The following DYNC2I2 variants were observed in gnomAD, a reference collection of about 807,000 sequenced individuals.
DYNC2I2 encodes the protein dynein 2 intermediate chain 2, also known as cytoplasmic dynein 2 intermediate chain 2.
In DYNC2I2, 39 loss-of-function variants were observed where a neutral mutation model predicts 52.0. The observed-to-expected ratio is 0.75, with a 90% CI of 0.58 to 0.98. DYNC2I2 has a LOEUF of 0.98. Among genes scored for constraint, DYNC2I2 ranks in the 50% least tolerant of loss-of-function variants. The pLI is 0.00. For missense variants in DYNC2I2, 743 were observed against 728.4 expected (o/e 1.02, Z -0.23); for synonymous variants, 359 against 321.1 (o/e 1.12, Z -1.26).
the DYNC2I2 span, among the ~76,000 whole-genome samples, chr9:128,674,336 G>T: frequency 8.8e-3 from 1,345 of 152,010 alleles, 6 homozygotes; most frequent in Non-Finnish European, 0.015. Flanking sequence ...GGGTTTCACC[G>T]TGTTAGCCAG....
At chr9:128,640,656 G>A (rs774671542) in intron 2 of DYNC2I2, 35 bp downstream of exon 2, 18 of 1,596,344 alleles carry the variant, frequency 1.1e-5, no homozygotes, top group Non-Finnish European at 1.5e-5. Flanking sequence ...GTGGGGCAGG[G>A]GCTCGACCCG....
intron 2 of DYNC2I2, 90 bp downstream of exon 2, chr9:128,640,601 T>G: frequency 6.5e-7 from 1 of 1,535,434 alleles, no homozygotes; most frequent in Non-Finnish European, 8.8e-7. Context: ...TGATGATGAC[T>G]GGCACGGCTG....
intron 1 of DYNC2I2, among the ~76,000 whole-genome samples, chr9:128,653,642 G>A (rs1297747456): frequency 6.6e-6 from 1 of 151,162 alleles, no homozygotes; most frequent in Non-Finnish European, 1.5e-5. Context: ...CTTGAAGCCG[G>A]GAGGCGGAAG....
At chr9:128,645,322 T>C (rs1379262642) in intron 1 of DYNC2I2, among the ~76,000 whole-genome samples, 1 of 151,510 alleles carries the variant, frequency 6.6e-6, no homozygotes, top group Non-Finnish European at 1.5e-5. Flanking sequence ...ACAGCAAAAC[T>C]CCATCTCTAC....
intron 1 of DYNC2I2, among the ~76,000 whole-genome samples, chr9:128,643,922 G>A (rs1260092481): frequency 6.6e-6 from 1 of 152,186 alleles, no homozygotes; most frequent in African/African-American, 2.4e-5. Flanking sequence ...TTTCTGACCA[G>A]ACATGTGACT....
chr9:128,646,522 G>A (rs1353136737), intron 1 of DYNC2I2, among the ~76,000 whole-genome samples: 1 of 152,036 alleles, frequency 6.6e-6, no homozygotes, highest in Non-Finnish European at 1.5e-5. Context: ...CAAAGTAGAT[G>A]AAACATTAGA....
chr9:128,667,514 T>C, the DYNC2I2 span, among the ~76,000 whole-genome samples: 3 of 142,600 alleles, frequency 2.1e-5, no homozygotes, highest in Admixed American at 7.1e-5. Flanking sequence ...CTAGTAGAGA[T>C]GGGGTTTCAT....
At chr9:128,656,898 G>T, upstream of DYNC2I2, 1 of 686,408 alleles carries the variant, frequency 1.5e-6, no homozygotes, top group Non-Finnish European at 2.1e-6. Context: ...CGGCCAGAGA[G>T]AGAAGCATGA....
At chr9:128,668,894 G>A in the DYNC2I2 span, among the ~76,000 whole-genome samples, 1 of 151,648 alleles carries the variant, frequency 6.6e-6, no homozygotes, top group Non-Finnish European at 1.5e-5. Context: ...TACCGGGACA[G>A]TGTATATGGA....
intron 2 of DYNC2I2, among the ~76,000 whole-genome samples, chr9:128,639,341 T>A (rs1490554509): frequency 6.6e-6 from 1 of 151,804 alleles, no homozygotes; most frequent in African/African-American, 2.4e-5. Flanking sequence ...GAGGTTGCAG[T>A]GAGCCAAGAT....
At chr9:128,641,192 C>A (rs1428621409) in intron 1 of DYNC2I2, among the ~76,000 whole-genome samples, 2 of 152,104 alleles carry the variant, frequency 1.3e-5, no homozygotes, top group African/African-American at 4.8e-5. Context: ...GGCCAAGTGA[C>A]CAACACAGGC....
Position 128,655,461 on chromosome 9 carries a change from A to C in DYNC2I2, c.186+1080T>G, listed in dbSNP as rs1321271930. ...GGGAGGCGGAGCTTGCAGTGAGCAG[A>C]GATCGCGCCATTGCACTCCAGCCCG... On this transcript the variant is annotated intron_variant, in intron 1 of 8. Transcript: ENST00000372715. Among the ~76,000 whole-genome samples, 4 of 146,748 alleles carry C rather than the reference A, an allele frequency of 2.7e-5. No homozygotes were observed. The Admixed American group carries it at 2.8e-4, about 10-fold the overall frequency.
At chr9:128,652,998 G>A (rs1860747200) in intron 1 of DYNC2I2, among the ~76,000 whole-genome samples, 1 of 150,432 alleles carries the variant, frequency 6.6e-6, no homozygotes, top group South Asian at 2.1e-4. Flanking sequence ...GGAGGCTGAG[G>A]CGGGTGGATC....
At chr9:128,679,147 C>A in the DYNC2I2 span, among the ~76,000 whole-genome samples, 1 of 152,114 alleles carries the variant, frequency 6.6e-6, no homozygotes, top group Admixed American at 6.6e-5. Context: ...GAGACTTAGG[C>A]TTGTTAGCAA....
At chr9:128,661,474 C>T (rs944948452), upstream of DYNC2I2, among the ~76,000 whole-genome samples, 2 of 150,910 alleles carry the variant, frequency 1.3e-5, no homozygotes, top group Non-Finnish European at 3.0e-5. Context: ...AAAAATTATA[C>T]GGGTGACATA....
chr9:128,648,155 C>T (rs1389880796), intron 1 of DYNC2I2, among the ~76,000 whole-genome samples: 1 of 152,086 alleles, frequency 6.6e-6, no homozygotes, highest in Non-Finnish European at 1.5e-5. Flanking sequence ...GCACCTGTAA[C>T]CTTAGCACTT....
At position 128,634,708 on chromosome 9, in the gene DYNC2I2, TCA is replaced by T. The variant is rs1291544034; in HGVS notation, c.1193_1194del (p.Val398GlufsTer16). 3 of 1,577,748 alleles carry T rather than the reference TCA, an allele frequency of 1.9e-6. No individual in the cohort carries two copies. Among genetic ancestry groups the T allele is most frequent in the South Asian group, 1.2e-5 (1 of 86,274 alleles). On this transcript the variant is annotated frameshift_variant, in exon 7 of 9. Coordinates refer to ENST00000372715, the MANE Select transcript of DYNC2I2 (RefSeq NM_052844.4). LOFTEE classifies it high-confidence loss of function. The stretch of plus-strand genomic sequence containing the variant: ...ACGTACCTGTGGAAGGGGGAACAGC[TCA>T]CAGAGTAGATGGGACCGCCGTGGGG... ...FSPHGGPIYS[V>X]SCSPFHRNLF...
intron 1 of DYNC2I2, among the ~76,000 whole-genome samples, chr9:128,647,032 G>T (rs1860628759): frequency 6.6e-6 from 1 of 152,210 alleles, no homozygotes; most frequent in South Asian, 2.1e-4. Context: ...GGCAGAGGCA[G>T]AAGAATCACT....
the DYNC2I2 span, among the ~76,000 whole-genome samples, chr9:128,671,302 CTTTT>C: frequency 2.2e-5 from 3 of 135,288 alleles, no homozygotes; most frequent in African/African-American, 2.7e-5. Context: ...CCCTGTCTCT[CTTTT>C]TTTTTTTTTT....
Sources: allele counts gnomAD v4.1 joint callset (sites outside exome capture counted in the v4.1 genomes callset), GRCh38; gene constraint gnomAD v4.1.1; transcripts MANE v1.5; gene names NCBI Gene and HGNC (gene_info 2026-07-23, HGNC 2026-07-21).